The following TSR3 variants were observed in gnomAD, a reference collection of about 807,000 sequenced individuals.
The protein encoded by TSR3 is TSR3 ribosome maturation factor.
Under a neutral mutation model 28.1 loss-of-function variants are expected in TSR3, and 31 were observed. That is an observed-to-expected ratio of 1.10 (90% CI 0.83 to 1.49). The LOEUF (loss-of-function observed/expected upper bound fraction) is 1.49, where lower values mean the gene tolerates loss of function less well. TSR3 is among the 40% of genes most tolerant of loss of function. The pLI, the probability that TSR3 is intolerant of heterozygous loss-of-function variation, is 0.00. For synonymous variants in TSR3, 219 were observed against 197.2 expected (o/e 1.11, Z -0.93); for missense variants, 511 against 444.0 (o/e 1.15, Z -1.36).
Position 1,351,352 on chromosome 16 carries a change from G to C in TSR3, c.332+27C>G, listed in dbSNP as rs1316707090. ...GGAACCACGCGCTGGAAATGAAGAC[G>C]ACCTCGGGCAGGCCTCCCGCGCCTA... On this transcript the variant is annotated intron_variant, in intron 2 of 5. Transcript: ENST00000007390. The C allele has an allele frequency of 2.6e-6, 4 of 1,556,254 alleles. No homozygotes were observed. In the Admixed American group the frequency reaches 5.7e-5, roughly 22 times the overall value.
chr16:1,351,203 C>A (rs2034667047), intron 2 of TSR3, among the ~76,000 whole-genome samples, 176 bp downstream of exon 2: 1 of 152,182 alleles, frequency 6.6e-6, no homozygotes, highest in African/African-American at 2.4e-5. Flanking sequence ...ACGTTTATTA[C>A]CCCAAAACCT....
At chr16:1,350,379 C>T (rs2034637945) in intron 3 of TSR3, 145 bp from the exon 4 acceptor site, 1 of 894,364 alleles carries the variant, frequency 1.1e-6, no homozygotes, top group Non-Finnish European at 1.7e-6. Flanking sequence ...AGAACCCGTG[C>T]TGCCCCCAGC....
At chr16:1,350,678 C>G in intron 3 of TSR3, 129 bp downstream of exon 3, 1 of 1,094,896 alleles carries the variant, frequency 9.1e-7, no homozygotes, top group South Asian at 1.5e-5. Flanking sequence ...GAACCGTGGT[C>G]TGTCTGAACT....
intron 5 of TSR3, 91 bp downstream of exon 5, chr16:1,349,798 A>G (rs549613372): frequency 6.6e-7 from 1 of 1,526,106 alleles, no homozygotes; most frequent in African/African-American, 1.4e-5. Context: ...GTTGTTTACA[A>G]CACCACCCCC....
chr16:1,349,540 G>T lies in TSR3; in HGVS notation c.836C>A (p.Ala279Asp), dbSNP rs2034607779. ...DPGPGAERGG[A>D]SSSCCEEEQT... ...CTCCTCTTCACAGCAGCTGCTGCTG[G>T]CTCCTCCGCGCTCGGCGCCAGGCCC... Residue 279 changes from alanine to aspartate, a missense_variant, in exon 6 of 6, where the codon GCC becomes GAC. By Grantham distance (126) the Ala-to-Asp change is moderately radical (BLOSUM62 -2). Transcript: ENST00000007390. 1 of 1,613,052 alleles carries T rather than the reference G, an allele frequency of 6.2e-7. No homozygotes were observed. The highest frequency in any genetic ancestry group is 1.1e-5 in the South Asian group (1 of 91,074).
rs1003337137 is a variant in TSR3, at chr16:1,350,044, C to T, written c.703+14G>A. ...GCTTTGGAGGGCCTTGGTTCCCACC[C>T]CGCCAAGGCTCACCGATCTCCTCCT... On this transcript the variant is annotated intron_variant, in intron 4 of 5. Transcript: ENST00000007390. 1.2e-6 allele frequency: 2 copies of T among 1,607,826 alleles called. No individual in the cohort carries two copies. Among genetic ancestry groups the T allele is most frequent in the African/African-American group, 2.7e-5 (2 of 74,894 alleles).
At position 1,349,586 on chromosome 16, in the gene TSR3, T is replaced by G. The variant is rs762739691; in HGVS notation, c.790A>C (p.Ser264Arg). The change falls in exon 6 of 6, where the codon AGT (serine) becomes CGT (arginine). Residue 264 changes from serine (S) to arginine (R), a missense_variant. Physicochemically the swap from Ser to Arg is moderately radical, Grantham distance 110 (BLOSUM62 -1). Coordinates refer to ENST00000007390, the MANE Select transcript of TSR3 (RefSeq NM_001001410.3). ...GGCCCTGGGTCCTCAGACGCATCAC[T>G]GTCATCAGTGTCCGAGGGCAGCCTG... ...STRLPSDTDD[S>R]DASEDPGPGA... 1 of 1,606,818 alleles carries G rather than the reference T, an allele frequency of 6.2e-7. No homozygotes were observed. Among genetic ancestry groups the G allele is most frequent in the South Asian group, 1.1e-5 (1 of 90,320 alleles).
chr16:1,349,889 C>T lies in TSR3; in HGVS notation c.767G>A (p.Arg256Gln), dbSNP rs965534530. The change falls in exon 5 of 6, where the codon CGG becomes CAG. Residue 256 changes from arginine (R) to glutamine (Q), a missense_variant and splice_region_variant. Coordinates refer to ENST00000007390, the MANE Select transcript of TSR3 (RefSeq NM_001001410.3). ...GNPNRPVAST[R>Q]LPSDTDDSDA... is the part of the protein sequence containing the mutation. ...CATGAAATTAAGCCCAAGGACCTAC[C>T]GGGTGCTGGCCACAGGCCTGTTGGG... The T allele has an allele frequency of 8.1e-6, 13 of 1,613,592 alleles. No individual in the cohort carries two copies. The highest frequency in any genetic ancestry group is 4.0e-5 in the African/African-American group (3 of 74,932).
In TSR3 at chr16:1,350,014, C is replaced by G. The variant is rs370888956; in HGVS notation, c.703+44G>C. 76 of 1,610,940 alleles carry G rather than the reference C, an allele frequency of 4.7e-5. No homozygotes were observed. The African/African-American group carries it at 8.9e-4, about 19-fold the overall frequency. On this transcript the variant is annotated intron_variant, in intron 4 of 5. Coordinates refer to ENST00000007390, the MANE Select transcript of TSR3 (RefSeq NM_001001410.3). ...CAGAGCAGGACCAGGCCTCCCACCC[C>G]CCAGGCTTTGGAGGGCCTTGGTTCC...
chr16:1,350,736 A>C, intron 3 of TSR3, 71 bp downstream of exon 3: 1 of 1,529,958 alleles, frequency 6.5e-7, no homozygotes, highest in Non-Finnish European at 8.9e-7. Context: ...GTCGGCAGGA[A>C]ACATGATGCT....
At chr16:1,351,310 C>A in intron 2 of TSR3, 69 bp downstream of exon 2, 1 of 1,485,422 alleles carries the variant, frequency 6.7e-7, no homozygotes. Context: ...ACAAGTGCCA[C>A]TAAACCATCC....
Position 1,350,792 on chromosome 16 carries a change from G to T in TSR3, c.526+15C>A, listed in dbSNP as rs370669665. 41 of 1,606,564 alleles carry T rather than the reference G, an allele frequency of 2.6e-5. No homozygotes were observed. The highest frequency in any genetic ancestry group is 3.3e-4 in the Middle Eastern group (2 of 6,058). On this transcript the variant is annotated intron_variant, in intron 3 of 5. Coordinates refer to ENST00000007390, the MANE Select transcript of TSR3 (RefSeq NM_001001410.3). Reference sequence around the variant, plus strand: ...AGGCCGCCGGGTCACACTGCTGTGGGGCCCCTGGACTCACCTACGATGCAG... The same window carrying T: ...AGGCCGCCGGGTCACACTGCTGTGGTGCCCCTGGACTCACCTACGATGCAG...
chr16:1,351,525 C>T lies in TSR3; in HGVS notation c.186G>A (p.Met62Ile). 1 of 1,523,960 alleles carries T rather than the reference C, an allele frequency of 6.6e-7. No homozygotes were observed. Among genetic ancestry groups the T allele is most frequent in the Non-Finnish European group, 8.8e-7 (1 of 1,142,700 alleles). 94.4% of individuals were successfully genotyped at this position (1,523,960 alleles called of 1,614,324 possible). The change falls in exon 2 of 6, where the codon ATG becomes ATA. Residue 62 changes from methionine (M) to isoleucine (I), a missense_variant. Physicochemically the swap from Met to Ile is conservative, Grantham distance 10 (BLOSUM62 1). Coordinates refer to ENST00000007390, the MANE Select transcript of TSR3 (RefSeq NM_001001410.3). Reference protein sequence around the residue: ...GPAALPCTLAMWELGHCDPRR... With the variant: ...GPAALPCTLAIWELGHCDPRR... Reference sequence around the variant, plus strand: ...GGGGGTCGCAGTGGCCCAACTCCCACATGGCCAGCGTGCAGGGCAGCGCCG... The same window carrying T: ...GGGGGTCGCAGTGGCCCAACTCCCATATGGCCAGCGTGCAGGGCAGCGCCG...
chr16:1,350,110 C>T lies in TSR3; in HGVS notation c.651G>A (p.Ala217=), dbSNP rs201725773. Residue 217 remains alanine (A), a synonymous_variant, in exon 4 of 6, where the codon GCG becomes GCA. Transcript: ENST00000007390. ...TGGCATTGGCCAAGAACTCCTGCTC[C>T]GCCTGCAGCACCTCCTCCGGGCTGC... ...ACGSPEEVLQ[A]EQEFLANAKE... 1.9e-4 allele frequency: 308 copies of T among 1,611,002 alleles called. No homozygotes were observed. The highest frequency in any genetic ancestry group is 2.7e-4 in the Admixed American group (16 of 59,906).
chr16:1,351,355 C>G (rs1435364582), intron 2 of TSR3, 24 bp downstream of exon 2: 10 of 1,564,318 alleles, frequency 6.4e-6, no homozygotes, highest in Non-Finnish European at 7.7e-6. Context: ...TGAAGACGAC[C>G]TCGGGCAGGC....
chr16:1,349,805 C>T, intron 5 of TSR3, 84 bp downstream of exon 5: 1 of 1,540,798 alleles, frequency 6.5e-7, no homozygotes, highest in Non-Finnish European at 8.9e-7. Flanking sequence ...ACAACACCAC[C>T]CCCAGGCAGC....
At chr16:1,350,296 C>G (rs1479611696) in intron 3 of TSR3, 62 bp from the exon 4 acceptor site, 2 of 1,506,902 alleles carry the variant, frequency 1.3e-6, no homozygotes, top group African/African-American at 2.8e-5. Context: ...GCCTCCTGAT[C>G]ACCCTGCTGC....
chr16:1,349,897 G>A lies in TSR3; in HGVS notation c.759C>T (p.Ala253=), dbSNP rs780123786. 1.2e-6 allele frequency: 2 copies of A among 1,613,758 alleles called. No individual in the cohort carries two copies. The highest frequency in any genetic ancestry group is 1.7e-5 in the Admixed American group (1 of 60,024). The change falls in exon 5 of 6, where the codon GCC becomes GCT. Residue 253 remains alanine (A), a synonymous_variant. Coordinates refer to ENST00000007390, the MANE Select transcript of TSR3 (RefSeq NM_001001410.3). Reference sequence around the variant, plus strand: ...TAAGCCCAAGGACCTACCGGGTGCTGGCCACAGGCCTGTTGGGGTTTCCAA... The same window carrying A: ...TAAGCCCAAGGACCTACCGGGTGCTAGCCACAGGCCTGTTGGGGTTTCCAA... ...REFGNPNRPV[A]STRLPSDTDD...
At position 1,351,457 on chromosome 16, in the gene TSR3, C is replaced by A; in HGVS notation, c.254G>T (p.Arg85Leu). The stretch of plus-strand genomic sequence containing the variant: ...GAATCTGTGGCCCAGGCGCAGGCAG[C>A]GCACCAGCCCCAGGCGGGCCAGCTT... ...GRKLARLGLV[R>L]CLRLGHRFGG... is the part of the protein sequence containing the mutation. The change falls in exon 2 of 6, where the codon CGC (arginine) becomes CTC (leucine). Residue 85 changes from arginine to leucine, a missense_variant. Coordinates refer to ENST00000007390, the MANE Select transcript of TSR3 (RefSeq NM_001001410.3). 6.3e-7 allele frequency: 1 copy of A among 1,591,042 alleles called. No individual in the cohort carries two copies. Among genetic ancestry groups the A allele is most frequent in the Non-Finnish European group, 8.5e-7 (1 of 1,176,834 alleles).
Sources: allele counts gnomAD v4.1 joint callset (sites outside exome capture counted in the v4.1 genomes callset), GRCh38; gene constraint gnomAD v4.1.1; transcripts MANE v1.5; gene names NCBI Gene and HGNC (gene_info 2026-07-23, HGNC 2026-07-21).